Variants in SFMBT2 observed in about 807,000 individuals in gnomAD.
SFMBT2 encodes the protein Scm like with four mbt domains 2, also known as scm-like with four MBT domains protein 2.
Under a neutral mutation model 110.1 loss-of-function variants are expected in SFMBT2, and 38 were observed. That is an observed-to-expected ratio of 0.35 (90% confidence interval 0.27 to 0.45). The LOEUF (loss-of-function observed/expected upper bound fraction) is 0.45. Ranked by LOEUF, SFMBT2 falls within the 20% of genes least tolerant of loss-of-function variation. SFMBT2 has a pLI of 1.00. For synonymous variants in SFMBT2, 425 were observed against 425.4 expected, an observed-to-expected ratio of 1.00 and a Z score of 0.01; for missense variants, 1,011 against 1,094.9, an observed-to-expected ratio of 0.92 and a Z score of 1.08.
At chr10:7,231,800 A>G (rs1424296066) in intron 9 of SFMBT2, among the ~76,000 whole-genome samples, 1 of 152,112 alleles carries the variant, frequency 6.6e-6, no homozygotes, top group Non-Finnish European at 1.5e-5. Flanking sequence ...TACTCACTTC[A>G]TCATTTCAAA....
intron 9 of SFMBT2, among the ~76,000 whole-genome samples, chr10:7,233,240 G>A (rs1588367403): frequency 6.6e-6 from 1 of 152,212 alleles, no homozygotes; most frequent in Non-Finnish European, 1.5e-5. Context: ...TTATGTGTTT[G>A]TGGTGGGAGT....
chr10:7,334,507 G>T (rs1431601017), intron 4 of SFMBT2, among the ~76,000 whole-genome samples: 1 of 152,180 alleles, frequency 6.6e-6, no homozygotes, highest in Admixed American at 6.5e-5. Context: ...AGAACACTGT[G>T]TCCCTGAGTC....
At chr10:7,233,942 T>C (rs370689802) in intron 9 of SFMBT2, among the ~76,000 whole-genome samples, 1 of 152,362 alleles carries the variant, frequency 6.6e-6, no homozygotes, top group African/African-American at 2.4e-5. Flanking sequence ...TTTCTCAACA[T>C]TGCCTCCACC....
At chr10:7,376,727 C>CAAAAAAAAAAAA (rs35816107) in intron 2 of SFMBT2, among the ~76,000 whole-genome samples, 6 of 44,736 alleles carry the variant, frequency 1.3e-4, no homozygotes, top group African/African-American at 6.1e-4. Context: ...GGCCCTCCCA[C>CAAAAAAAAAAAA]AAAAAAAAAA....
At chr10:7,307,465 A>T (rs1323271290) in intron 4 of SFMBT2, among the ~76,000 whole-genome samples, 1 of 152,214 alleles carries the variant, frequency 6.6e-6, no homozygotes, top group African/African-American at 2.4e-5. Context: ...AACTTTAAAG[A>T]TACAGTATAG....
intron 1 of SFMBT2, among the ~76,000 whole-genome samples, chr10:7,399,855 C>T (rs557179798): frequency 2.6e-5 from 4 of 152,304 alleles, no homozygotes; most frequent in African/African-American, 9.6e-5. Context: ...CACTCACCTT[C>T]CTTGTTAAAA....
chr10:7,282,418 G>C (rs1720704595), intron 6 of SFMBT2, among the ~76,000 whole-genome samples: 1 of 152,136 alleles, frequency 6.6e-6, no homozygotes, highest in South Asian at 2.1e-4. Context: ...AATTTATAAA[G>C]CAATTAGATA....
intron 1 of SFMBT2, among the ~76,000 whole-genome samples, chr10:7,403,964 T>A (rs1277683722): frequency 6.6e-6 from 1 of 152,218 alleles, no homozygotes; most frequent in East Asian, 1.9e-4. Flanking sequence ...TGGATTGGAA[T>A]GCTCCTAACA....
chr10:7,192,966 G>A (rs1041788080), intron 15 of SFMBT2, among the ~76,000 whole-genome samples: 6 of 152,132 alleles, frequency 3.9e-5, no homozygotes, highest in African/African-American at 1.4e-4. Flanking sequence ...AGTTACACTG[G>A]AGCAAAAAAA....
chr10:7,313,319 A>G (rs1842906801), intron 4 of SFMBT2, among the ~76,000 whole-genome samples: 1 of 152,148 alleles, frequency 6.6e-6, no homozygotes, highest in South Asian at 2.1e-4. Context: ...TTCAACATTG[A>G]CTAAAAAGTT....
intron 14 of SFMBT2, among the ~76,000 whole-genome samples, chr10:7,198,931 C>G (rs934890282): frequency 2.6e-5 from 4 of 152,058 alleles, no homozygotes; most frequent in Non-Finnish European, 4.4e-5. Context: ...ATCAATCCAT[C>G]CTGGGTGAAA....
rs1400920295 is a variant in SFMBT2, at chr10:7,158,625, AG to A, written c.*5144del. On this transcript the variant is annotated 3_prime_UTR_variant, in exon 21 of 21. Transcript: ENST00000397167. ...AACACAAAGACCCAAACACCACCAT[AG>A]AATTTATTTTTACTTTATTAACAAT... The A allele has an allele frequency of 3.3e-5, 5 of 152,246 alleles. No individual in the cohort carries two copies. Among genetic ancestry groups the A allele is most frequent in the Non-Finnish European group, 7.3e-5 (5 of 68,040 alleles). The allele number at this position is 152,246 out of a possible 1,614,324, so 9.4% of individuals were successfully genotyped here.
At position 7,172,621 on chromosome 10, in the gene SFMBT2, G is replaced by A. The variant is rs1203737885; in HGVS notation, c.2025C>T (p.Pro675=). The stretch of plus-strand genomic sequence containing the variant: ...CGCTGTCGGGGTTGCTTTCCCCGAT[G>A]GGGGGCTTGGAGATCTTCTTTCTCT... ...YGKRKKISKP[P]IGESNPDSGH... is the part of the protein sequence containing the mutation. Residue 675 remains proline (P), a synonymous_variant, in exon 18 of 21, where the codon CCC becomes CCT. Transcript: ENST00000397167. This position sits in a 1 kb window ranked among gnomAD's most constrained non-coding sequence, Gnocchi z 4.6. 6.2e-7 allele frequency: 1 copy of A among 1,614,198 alleles called. No homozygotes were observed.
In SFMBT2 at chr10:7,349,443, T is replaced by TTTTC. The variant is rs1554808166; in HGVS notation, c.436+18205_436+18206insGAAA. Reference sequence around the variant, plus strand: ...TGACTCTTTTTTCTTTTCTTTTCTTTTTTTTTTTTTTTTTTTTTTTTTTGC... The same window carrying TTTTC: ...TGACTCTTTTTTCTTTTCTTTTCTTTTTTCTTTTTTTTTTTTTTTTTTTTTTTGC... On this transcript the variant is annotated intron_variant, in intron 4 of 20. Coordinates refer to ENST00000397167, the MANE Select transcript of SFMBT2 (RefSeq NM_001387889.1). Among the ~76,000 whole-genome samples the TTTTC allele has an allele frequency of 1.6e-4, 16 of 97,126 alleles. 1 individual carries two copies. Among genetic ancestry groups the TTTTC allele is most frequent in the African/African-American group, 7.1e-4 (16 of 22,650 alleles). The allele number at this position is 97,126 out of a possible 152,430, so 63.7% of individuals were successfully genotyped here. A position where few individuals can be genotyped will look rare whatever the true frequency, so the allele number is the denominator to read the frequency against.
At chr10:7,277,155 T>G (rs1030498243) in intron 6 of SFMBT2, among the ~76,000 whole-genome samples, 166 bp from the exon 7 acceptor site, 2 of 152,206 alleles carry the variant, frequency 1.3e-5, no homozygotes, top group Non-Finnish European at 2.9e-5. Context: ...TGAAAGGACT[T>G]TCTGAAATTA....
In SFMBT2 at chr10:7,172,574, C is replaced by T. The variant is rs539323944; in HGVS notation, c.2072G>A (p.Arg691Gln). The T allele has an allele frequency of 1.2e-5, 20 of 1,614,198 alleles. No homozygotes were observed. The South Asian group carries it at 1.4e-4, about 12-fold the overall frequency. ...GAAAATGGATTTCCGTCGCTTCCTC[C>T]GCCTGGCGGGTTTGGGGTGTCCGCT... ...PDSGHPKPAR[R>Q]RKRRKSIFVQ... The change falls in exon 18 of 21, where the codon CGG (arginine) becomes CAG (glutamine). Residue 691 changes from arginine (R) to glutamine (Q), a missense_variant. By Grantham distance (43) the Arg-to-Gln change is conservative. Transcript: ENST00000397167. The surrounding 1 kb of genome is among the most constrained non-coding windows in gnomAD (Gnocchi z 4.6).
At chr10:7,344,957 TC>T (rs1410230736) in intron 4 of SFMBT2, among the ~76,000 whole-genome samples, 1 of 48,016 alleles carries the variant, frequency 2.1e-5, no homozygotes, top group Non-Finnish European at 3.7e-5. Flanking sequence ...AGACTCTGTC[TC>T]AAAAAAAAAA....
At chr10:7,186,131 G>A (rs1838395252) in intron 16 of SFMBT2, among the ~76,000 whole-genome samples, 1 of 152,048 alleles carries the variant, frequency 6.6e-6, no homozygotes, top group Admixed American at 6.6e-5. Flanking sequence ...AGAGACAATT[G>A]TAGGTAACAG....
chr10:7,210,126 C>T (rs572419470), intron 11 of SFMBT2, among the ~76,000 whole-genome samples: 7 of 152,286 alleles, frequency 4.6e-5, no homozygotes, highest in African/African-American at 1.2e-4. Context: ...CCCTTGTCCC[C>T]GGTTCAGCAG....
Sources: allele counts gnomAD v4.1 joint callset (sites outside exome capture counted in the v4.1 genomes callset), GRCh38; gene constraint gnomAD v4.1.1; non-coding constraint Gnocchi (gnomAD v3.1); transcripts MANE v1.5; gene names NCBI Gene and HGNC (gene_info 2026-07-23, HGNC 2026-07-21).